Variants in BRINP3 observed in about 807,000 individuals in gnomAD.
The protein encoded by BRINP3 is BMP/retinoic acid-inducible neural-specific protein 3.
Under a neutral mutation model 71.0 loss-of-function variants are expected in BRINP3, and 19 were observed. The observed-to-expected ratio is 0.27, with a 90% CI of 0.19 to 0.39. The LOEUF (loss-of-function observed/expected upper bound fraction) is 0.39, where lower values mean the gene tolerates loss of function less well. Among genes scored for constraint, BRINP3 ranks in the 10% least tolerant of loss-of-function variants. BRINP3 has a pLI of 1.00. For missense variants in BRINP3, 959 were observed against 940.8 expected (o/e 1.02, Z -0.25); for synonymous variants, 380 against 337.7 (o/e 1.13, Z -1.37).
At chr1:190,166,879 A>T (rs1651592673) in intron 6 of BRINP3, among the ~76,000 whole-genome samples, 1 of 151,974 alleles carries the variant, frequency 6.6e-6, no homozygotes, top group South Asian at 2.1e-4. Flanking sequence ...GCATACCACT[A>T]CTTCCGGCTA....
chr1:190,289,193 C>T (rs1040764786), intron 2 of BRINP3, among the ~76,000 whole-genome samples: 3 of 151,576 alleles, frequency 2.0e-5, no homozygotes, highest in Non-Finnish European at 3.0e-5. Flanking sequence ...ATATAAATTG[C>T]CCATCTTTTA....
chr1:190,470,338 A>T (rs10494634), intron 1 of BRINP3, among the ~76,000 whole-genome samples: 55,817 of 150,680 alleles, frequency 0.37, 11,645 homozygotes, highest in Non-Finnish European at 0.47. Flanking sequence ...TACATGGCAG[A>T]GAACTATAAT....
chr1:190,397,578 A>G (rs1271181956), intron 2 of BRINP3, among the ~76,000 whole-genome samples: 1 of 151,958 alleles, frequency 6.6e-6, no homozygotes, highest in Non-Finnish European at 1.5e-5. Flanking sequence ...AATGCCTTGA[A>G]ACTCCTTAAT....
intron 2 of BRINP3, among the ~76,000 whole-genome samples, chr1:190,341,643 G>C (rs569856968): frequency 6.6e-6 from 1 of 151,648 alleles, no homozygotes; most frequent in African/African-American, 2.4e-5. Context: ...CTTTTGACTG[G>C]CTTTACAAGA....
intron 6 of BRINP3, among the ~76,000 whole-genome samples, chr1:190,186,986 A>T (rs1375904335): frequency 6.6e-6 from 1 of 152,106 alleles, no homozygotes; most frequent in Admixed American, 6.6e-5. Context: ...CCAGTATTAA[A>T]CTGTGTGATC....
chr1:190,469,786 CA>C (rs553837945), intron 1 of BRINP3, among the ~76,000 whole-genome samples: 2 of 150,848 alleles, frequency 1.3e-5, no homozygotes, highest in Non-Finnish European at 3.0e-5. Flanking sequence ...AAAGCAGTTA[CA>C]AAAAATTTGT....
intron 3 of BRINP3, among the ~76,000 whole-genome samples, chr1:190,269,019 A>C (rs1305897553): frequency 5.3e-5 from 8 of 152,162 alleles, no homozygotes; most frequent in African/African-American, 1.9e-4. Flanking sequence ...AGAAAGACTT[A>C]AAAAGAATAG....
chr1:190,412,986 T>C (rs1423272804), intron 2 of BRINP3, among the ~76,000 whole-genome samples: 1 of 152,154 alleles, frequency 6.6e-6, no homozygotes, highest in African/African-American at 2.4e-5. Context: ...AAATGAAATA[T>C]TTTGCTTCAT....
At chr1:190,175,422 G>T (rs984525154) in intron 6 of BRINP3, among the ~76,000 whole-genome samples, 5 of 152,006 alleles carry the variant, frequency 3.3e-5, no homozygotes, top group Admixed American at 6.6e-5. Context: ...TGAAAATACA[G>T]TTATTTTTAC....
At chr1:190,440,822 A>G (rs1377197102) in intron 2 of BRINP3, among the ~76,000 whole-genome samples, 4 of 152,136 alleles carry the variant, frequency 2.6e-5, no homozygotes, top group Non-Finnish European at 5.9e-5. Context: ...AAAACTTATC[A>G]ATGAAGTATG....
chr1:190,415,701 G>A (rs1672965603), intron 2 of BRINP3, among the ~76,000 whole-genome samples: 1 of 152,098 alleles, frequency 6.6e-6, no homozygotes, highest in African/African-American at 2.4e-5. Context: ...AGGAGTTTGA[G>A]ACCAGACTGA....
At chr1:190,178,117 T>C (rs982873633) in intron 6 of BRINP3, among the ~76,000 whole-genome samples, 1 of 152,164 alleles carries the variant, frequency 6.6e-6, no homozygotes, top group Non-Finnish European at 1.5e-5. Context: ...AACCCCTGGA[T>C]ACCAAGAGAC....
At chr1:190,272,572 A>C (rs1235027843) in intron 3 of BRINP3, among the ~76,000 whole-genome samples, 1 of 151,492 alleles carries the variant, frequency 6.6e-6, no homozygotes, top group African/African-American at 2.4e-5. Flanking sequence ...ATTAAGACCT[A>C]ACAGTTGATG....
chr1:190,448,438 T>C (rs2102597578), intron 2 of BRINP3, among the ~76,000 whole-genome samples: 1 of 150,048 alleles, frequency 6.7e-6, no homozygotes, highest in East Asian at 1.9e-4. Context: ...ATAATCTTTT[T>C]TCTTAACACC....
chr1:190,156,734 T>A (rs1410198974), intron 7 of BRINP3, among the ~76,000 whole-genome samples: 1 of 151,976 alleles, frequency 6.6e-6, no homozygotes, highest in Non-Finnish European at 1.5e-5. Flanking sequence ...AAAAAGGAAG[T>A]CAAGAAAATT....
chr1:190,277,087 T>TATATATATA (rs1553276640), intron 3 of BRINP3, among the ~76,000 whole-genome samples: 22 of 36,032 alleles, frequency 6.1e-4, no homozygotes, highest in African/African-American at 1.1e-3. Context: ...AATTTTGGTT[T>TATATATATA]TATATATATA....
At chr1:190,436,896 T>C (rs1674499615) in intron 2 of BRINP3, among the ~76,000 whole-genome samples, 1 of 151,810 alleles carries the variant, frequency 6.6e-6, no homozygotes, top group Non-Finnish European at 1.5e-5. Context: ...GAAACTATAA[T>C]AATAAACAAG....
chr1:190,267,354 A>T (rs1461528593), intron 3 of BRINP3, among the ~76,000 whole-genome samples: 1 of 152,108 alleles, frequency 6.6e-6, no homozygotes, highest in East Asian at 1.9e-4. Context: ...AAAAGATATT[A>T]CTATTACATG....
At chr1:190,181,002 C>T (rs1401948961) in intron 6 of BRINP3, among the ~76,000 whole-genome samples, 1 of 152,020 alleles carries the variant, frequency 6.6e-6, no homozygotes, top group Non-Finnish European at 1.5e-5. Context: ...CAGTACTATT[C>T]TATCACTACA....
Sources: allele counts gnomAD v4.1 joint callset (sites outside exome capture counted in the v4.1 genomes callset), GRCh38; gene constraint gnomAD v4.1.1; transcripts MANE v1.5; gene names NCBI Gene and HGNC (gene_info 2026-07-23, HGNC 2026-07-21).